COX11: variants seen among roughly 807,000 people sequenced by gnomAD.
COX11 encodes the protein cytochrome c oxidase copper chaperone COX11.
COX11 carries 18 observed loss-of-function variants against 29.4 expected under a neutral mutation model. The observed-to-expected ratio is 0.61, with a 90% CI of 0.42 to 0.91. The LOEUF is 0.91. Ranked by LOEUF, COX11 falls within the 40% of genes least tolerant of loss-of-function variation. COX11 has a pLI of 0.00. For synonymous variants in COX11, 131 were observed against 124.0 expected, an observed-to-expected ratio of 1.06 and a Z score of -0.38; for missense variants, 312 against 346.0, an observed-to-expected ratio of 0.90 and a Z score of 0.78.
chr17:54,953,342 C>T (rs2049330318), exon 1 of COX11: 1 of 152,362 alleles, frequency 6.6e-6, no homozygotes, highest in Non-Finnish European at 1.5e-5. Flanking sequence ...GCACTCCAGC[C>T]TGGGTAACAC....
chr17:54,954,920 A>G (rs1173865140), exon 1 of COX11: 1 of 152,232 alleles, frequency 6.6e-6, no homozygotes, highest in Non-Finnish European at 1.5e-5. Flanking sequence ...ACCCATATTC[A>G]GACCATCTCT....
intron 1 of COX11, among the ~76,000 whole-genome samples, chr17:54,966,031 C>T (rs2077211402): frequency 6.6e-6 from 1 of 152,168 alleles, no homozygotes; most frequent in South Asian, 2.1e-4. Context: ...CAACTAACTT[C>T]ATTTGACTGC....
rs2077211096 is a variant in COX11, at chr17:54,966,013, A to T, written c.367-1161T>A. On this transcript the variant is annotated intron_variant, in intron 1 of 3. Coordinates refer to ENST00000299335, the MANE Select transcript of COX11 (RefSeq NM_004375.5). Reference sequence around the variant, plus strand: ...AGTGTTTTAGCATTCTCTGTTTGTTACGCAAGTCAACTAACTTCATTTGAC... The same window carrying T: ...AGTGTTTTAGCATTCTCTGTTTGTTTCGCAAGTCAACTAACTTCATTTGAC... 7.2e-5 allele frequency among the ~76,000 whole-genome samples: 11 copies of T among 152,216 alleles called. No individual in the cohort carries two copies. The South Asian group carries it at 2.1e-3, about 29-fold the overall frequency.
intron 2 of COX11, 74 bp downstream of exon 2, chr17:54,964,623 C>G: frequency 7.2e-7 from 1 of 1,385,288 alleles, no homozygotes; most frequent in South Asian, 1.2e-5. Context: ...AATTAGTCCT[C>G]TGACAGTTTA....
Position 54,964,738 on chromosome 17 carries a change from T to G in COX11, c.481A>C (p.Ser161Arg). The part of the protein sequence containing the change: ...KISFNADVHA[S>R]LQWNFRPQQT... ...TGAGGTCTAAAGTTCCACTGGAGAC[T>G]TGCATGCACATCTGCATTAAAGCTA... The change falls in exon 2 of 4, where the codon AGT becomes CGT. Residue 161 changes from serine (S) to arginine (R), a missense_variant. Physicochemically the swap from Ser to Arg is moderately radical, Grantham distance 110 (BLOSUM62 -1). This residue lies in a region of COX11 where 182 missense variants were observed against 240.0 expected (regional missense o/e 0.76). Transcript: ENST00000299335. 6.2e-7 allele frequency: 1 copy of G among 1,614,064 alleles called. No individual in the cohort carries two copies. Among genetic ancestry groups the G allele is most frequent in the Non-Finnish European group, 8.5e-7 (1 of 1,179,944 alleles).
In COX11 at chr17:54,961,519, T is replaced by G; in HGVS notation, c.*1214A>C. Reference sequence around the variant, plus strand: ...CTTAGGCCAACCAATTTAACTGCAGTGTCATGTTTCACAGGCCTTCCTACA... The same window carrying G: ...CTTAGGCCAACCAATTTAACTGCAGGGTCATGTTTCACAGGCCTTCCTACA... On this transcript the variant is annotated 3_prime_UTR_variant, in exon 4 of 4. Transcript: ENST00000299335. 2 of 1,394,328 alleles carry G rather than the reference T, an allele frequency of 1.4e-6. No individual in the cohort carries two copies. The highest frequency in any genetic ancestry group is 9.3e-7 in the Non-Finnish European group (1 of 1,076,908). 86.4% of individuals were successfully genotyped at this position (1,394,328 alleles called of 1,614,324 possible).
Position 54,961,298 on chromosome 17 carries a change from G to C in COX11, c.*1435C>G, listed in dbSNP as rs2077118736. ...GCCAACTCTCTAAAACGTAGACTCT[G>C]TGCAGCTTTGAAGCCTGGAAGACAA... is the stretch of plus-strand genomic sequence containing the variant. On this transcript the variant is annotated 3_prime_UTR_variant, in exon 4 of 4. Transcript: ENST00000299335. 6.4e-7 allele frequency: 1 copy of C among 1,551,522 alleles called. No individual in the cohort carries two copies. The highest frequency in any genetic ancestry group is 1.2e-5 in the South Asian group (1 of 84,050).
In COX11 at chr17:54,962,705, A is replaced by G. The variant is rs1253908795; in HGVS notation, c.*28T>C. The G allele has an allele frequency of 6.2e-7, 1 of 1,601,026 alleles. No individual in the cohort carries two copies. Among genetic ancestry groups the G allele is most frequent in the Non-Finnish European group, 8.5e-7 (1 of 1,176,552 alleles). ...ATATATGATTTTCCCAAAAATCACA[A>G]CTTTGAAGGAAGACTTAGTTGCTGA... On this transcript the variant is annotated 3_prime_UTR_variant, in exon 4 of 4. Transcript: ENST00000299335.
chr17:54,953,945 G>A (rs1253159596), exon 1 of COX11: 1 of 152,202 alleles, frequency 6.6e-6, no homozygotes, highest in African/African-American at 2.4e-5. Flanking sequence ...TAGGAATGCT[G>A]ATGGATTTTC....
At chr17:54,958,688 C>T (rs918559254), downstream of COX11, among the ~76,000 whole-genome samples, 1 of 134,690 alleles carries the variant, frequency 7.4e-6, no homozygotes, top group Non-Finnish European at 1.5e-5. Context: ...TGAGATCCCA[C>T]TATTGCACTC....
Position 54,962,083 on chromosome 17 carries a change from C to A in COX11, c.*650G>T. On this transcript the variant is annotated 3_prime_UTR_variant, in exon 4 of 4. Coordinates refer to ENST00000299335, the MANE Select transcript of COX11 (RefSeq NM_004375.5). ...GTAATGGTGATGCTTTGGCTAACAG[C>A]CTAGTAGATGTATTTTATTTCAATT... The A allele has an allele frequency of 1.0e-6, 1 of 974,940 alleles. No individual in the cohort carries two copies. Among genetic ancestry groups the A allele is most frequent in the Non-Finnish European group, 1.2e-6 (1 of 820,476 alleles). 60.4% of individuals were successfully genotyped at this position (974,940 alleles called of 1,614,324 possible).
chr17:54,967,003 C>T (rs972745370), intron 1 of COX11, among the ~76,000 whole-genome samples: 2 of 139,502 alleles, frequency 1.4e-5, no homozygotes. Flanking sequence ...AGGGAGACCT[C>T]GTCTCTACAA....
At chr17:54,960,184 G>A (rs183885969), downstream of COX11, among the ~76,000 whole-genome samples, 1 of 152,194 alleles carries the variant, frequency 6.6e-6, no homozygotes, top group African/African-American at 2.4e-5. Flanking sequence ...CCAACAGGGT[G>A]AAACCCTGTC....
chr17:54,958,770 A>T (rs1390645246), downstream of COX11, among the ~76,000 whole-genome samples: 1 of 146,454 alleles, frequency 6.8e-6, no homozygotes, highest in Non-Finnish European at 1.5e-5. Flanking sequence ...TAGCTAGAGG[A>T]TACTAAGGCA....
At chr17:54,957,282 T>A (rs530843136), downstream of COX11, 1 of 152,146 alleles carries the variant, frequency 6.6e-6, no homozygotes, top group Non-Finnish European at 1.5e-5. Context: ...GACTTAGGAG[T>A]CCACTATGTA....
chr17:54,958,748 A>AAAAAGGG (rs372776781), downstream of COX11, among the ~76,000 whole-genome samples: 18 of 118,952 alleles, frequency 1.5e-4, 1 homozygote, highest in South Asian at 7.7e-4. Context: ...AAAAAAAAAA[A>AAAAAGGG]GGGGTTGTTG....
chr17:54,966,412 A>G (rs1319533448), intron 1 of COX11, among the ~76,000 whole-genome samples: 1 of 152,188 alleles, frequency 6.6e-6, no homozygotes, highest in Admixed American at 6.5e-5. Flanking sequence ...TTCACACGCA[A>G]TATTATCAGT....
At chr17:54,963,574 A>C in intron 2 of COX11, 143 bp from the exon 3 acceptor site, 1 of 758,128 alleles carries the variant, frequency 1.3e-6, no homozygotes, top group Non-Finnish European at 2.1e-6. Context: ...TAAATTGTGA[A>C]TATTACCCAT....
downstream of COX11, among the ~76,000 whole-genome samples, chr17:54,959,803 G>C (rs914352920): frequency 1.3e-5 from 2 of 151,972 alleles, no homozygotes; most frequent in East Asian, 3.9e-4. Flanking sequence ...TTTTTGTAGA[G>C]ATGGTATTTT....
Sources: allele counts gnomAD v4.1 joint callset (sites outside exome capture counted in the v4.1 genomes callset), GRCh38; gene constraint gnomAD v4.1.1; regional missense constraint gnomAD v4.1.1; transcripts MANE v1.5; gene names NCBI Gene and HGNC (gene_info 2026-07-23, HGNC 2026-07-21).